Variants in ARID5B observed in about 807,000 individuals in gnomAD.
ARID5B encodes AT-rich interactive domain-containing protein 5B.
ARID5B carries 13 observed loss-of-function variants against 97.2 expected under a neutral mutation model. That is an observed-to-expected ratio of 0.13 (90% CI 0.09 to 0.21). ARID5B has a LOEUF of 0.21. ARID5B is among the 10% of genes least tolerant of loss of function. The pLI, the probability that ARID5B is intolerant of heterozygous loss-of-function variation, is 1.00. For synonymous variants in ARID5B, 556 were observed against 570.3 expected (o/e 0.97, Z 0.36); for missense variants, 1,210 against 1,465.3 (o/e 0.83, Z 2.84).
intron 3 of ARID5B, among the ~76,000 whole-genome samples, chr10:61,989,854 A>G (rs1838898313): frequency 2.0e-5 from 3 of 152,220 alleles, no homozygotes; most frequent in Admixed American, 2.0e-4. Context: ...CTATGGCTTG[A>G]GGTTCCTTGA....
rs1564650871 is a variant in ARID5B, at chr10:62,092,274, C to T, written c.2811C>T (p.Ile937=). The T allele has an allele frequency of 3.7e-6, 6 of 1,606,460 alleles. No homozygotes were observed. The highest frequency in any genetic ancestry group is 4.2e-6 in the Non-Finnish European group (5 of 1,176,634). ...STTGPQESKG[I]SQFQVLGSQS... is the part of the protein sequence containing the mutation. The stretch of plus-strand genomic sequence containing the variant: ...CAGGGCCCCAGGAGAGCAAAGGCAT[C>T]TCCCAGTTCCAGGTCTTAGGCAGCC... The change falls in exon 10 of 10, where the codon ATC becomes ATT. Residue 937 remains isoleucine (I), a synonymous_variant. Transcript: ENST00000279873.
rs1166179611 is a variant in ARID5B at position 61,902,270 on chromosome 10, A to C, written c.133A>C (p.Arg45=). ...GTCCCTTGGCGACTTTTTCTTTGTA[A>C]GATGTACGCCAAAGGATCCGATTTG... The part of the protein sequence containing the change: ...ILSLGDFFFV[R]CTPKDPICIA... Residue 45 remains arginine, a synonymous_variant, in exon 2 of 10, where the codon AGA becomes CGA. Coordinates refer to ENST00000279873, the MANE Select transcript of ARID5B (RefSeq NM_032199.3). The C allele has an allele frequency of 5.0e-6, 8 of 1,614,046 alleles. No individual in the cohort carries two copies. Among genetic ancestry groups the C allele is most frequent in the Non-Finnish European group, 6.8e-6 (8 of 1,180,010 alleles).
intron 3 of ARID5B, among the ~76,000 whole-genome samples, chr10:61,957,325 G>A (rs1257653285): frequency 1.3e-5 from 2 of 152,168 alleles, no homozygotes; most frequent in Admixed American, 6.5e-5. Context: ...CTGGAGTGCA[G>A]TGGTGCGATC....
At chr10:62,050,106 A>C (rs1305465427) in intron 4 of ARID5B, among the ~76,000 whole-genome samples, 1 of 151,362 alleles carries the variant, frequency 6.6e-6, no homozygotes, top group Non-Finnish European at 1.5e-5. Flanking sequence ...CAAGCTCAGC[A>C]TCAAGGATGA....
chr10:62,018,580 CT>C (rs758545079), intron 4 of ARID5B, among the ~76,000 whole-genome samples: 215 of 133,340 alleles, frequency 1.6e-3, no homozygotes, highest in South Asian at 3.0e-3. Flanking sequence ...CGTTCCTGAC[CT>C]TTTTTTTTTT....
chr10:62,041,149 C>T (rs1022387348), intron 4 of ARID5B, among the ~76,000 whole-genome samples: 1 of 152,186 alleles, frequency 6.6e-6, no homozygotes, highest in Non-Finnish European at 1.5e-5. Context: ...AAGCTCTTCT[C>T]ATTCTGTACC....
intron 8 of ARID5B, among the ~76,000 whole-genome samples, chr10:62,071,823 G>A (rs999888550): frequency 1.3e-5 from 2 of 152,196 alleles, no homozygotes; most frequent in Non-Finnish European, 2.9e-5. Context: ...CTTGGGACCA[G>A]ATTGGATATT....
At chr10:61,984,174 A>G (rs1838816112) in intron 3 of ARID5B, among the ~76,000 whole-genome samples, 1 of 152,138 alleles carries the variant, frequency 6.6e-6, no homozygotes, top group Non-Finnish European at 1.5e-5. Context: ...CGTTTTAATT[A>G]TTCATCCCCT....
chr10:61,922,299 C>A lies in ARID5B; in HGVS notation c.277-17884C>A, dbSNP rs556271136. On this transcript the variant is annotated intron_variant, in intron 2 of 9. Coordinates refer to ENST00000279873, the MANE Select transcript of ARID5B (RefSeq NM_032199.3). The stretch of plus-strand genomic sequence containing the variant: ...GCTGATATAAACAGGCTCCTTAATG[C>A]ATAAGAAAATAGGCATGTTTGGGCC... Among the ~76,000 whole-genome samples, 259 of 151,838 alleles carry A rather than the reference C, an allele frequency of 1.7e-3. 1 individual carries two copies. Among genetic ancestry groups the A allele is most frequent in the African/African-American group, 5.9e-3 (244 of 41,444 alleles).
At chr10:61,929,148 A>G (rs1026468707) in intron 2 of ARID5B, among the ~76,000 whole-genome samples, 1 of 152,256 alleles carries the variant, frequency 6.6e-6, no homozygotes, top group African/African-American at 2.4e-5. Flanking sequence ...TCTTAATTAA[A>G]GTTTGCCACC....
intron 4 of ARID5B, among the ~76,000 whole-genome samples, chr10:62,028,485 CAAG>C (rs1455760314): frequency 1.3e-5 from 2 of 152,284 alleles, no homozygotes; most frequent in African/African-American, 4.8e-5. Flanking sequence ...GACGCAGCAA[CAAG>C]AAGATGAACT....
chr10:62,049,439 A>G (rs182770395), intron 4 of ARID5B: 12 of 1,550,516 alleles, frequency 7.7e-6, no homozygotes, highest in Middle Eastern at 1.7e-4. Flanking sequence ...TGTAGCTTTC[A>G]TGAGCACAGG....
At chr10:61,901,801 A>T in intron 1 of ARID5B, 71 bp downstream of exon 1, 1 of 982,084 alleles carries the variant, frequency 1.0e-6, no homozygotes, top group Non-Finnish European at 1.4e-6. Flanking sequence ...GCTCACCCAC[A>T]CCTCTGCACC....
Position 61,989,120 on chromosome 10 carries a change from G to A in ARID5B, c.503-10971G>A, listed in dbSNP as rs569795313. Among the ~76,000 whole-genome samples the A allele has an allele frequency of 2.6e-4, 40 of 151,724 alleles. 2 individuals carry two copies. In the South Asian group the frequency reaches 5.4e-3, roughly 21 times the overall value. Reference sequence around the variant, plus strand: ...AATTTTTTGTATTTTTAGTAGAGACGGGGTTTCGCTGTATTAGCCAGGATG... The same window carrying A: ...AATTTTTTGTATTTTTAGTAGAGACAGGGTTTCGCTGTATTAGCCAGGATG... On this transcript the variant is annotated intron_variant, in intron 3 of 9. Coordinates refer to ENST00000279873, the MANE Select transcript of ARID5B (RefSeq NM_032199.3).
intron 8 of ARID5B, among the ~76,000 whole-genome samples, chr10:62,083,418 G>T (rs987621976): frequency 2.6e-5 from 4 of 151,988 alleles, no homozygotes; most frequent in Admixed American, 1.3e-4. Flanking sequence ...TAGAGAGCCA[G>T]GTTGGCCCAG....
chr10:62,055,843 T>C (rs1839849019), intron 5 of ARID5B, among the ~76,000 whole-genome samples: 1 of 151,902 alleles, frequency 6.6e-6, no homozygotes, highest in Admixed American at 6.6e-5. Context: ...TAAATAAGCA[T>C]AGTCTTTTAT....
chr10:61,901,752 C>T, intron 1 of ARID5B, 22 bp downstream of exon 1: 1 of 1,613,056 alleles, frequency 6.2e-7, no homozygotes, highest in Non-Finnish European at 8.5e-7. Context: ...TCCTCCGCTC[C>T]TCCGATCCCG....
intron 4 of ARID5B, among the ~76,000 whole-genome samples, chr10:62,021,608 G>T (rs1210442739): frequency 1.3e-5 from 2 of 152,210 alleles, no homozygotes; most frequent in East Asian, 3.8e-4. Flanking sequence ...CTTTTGCCCT[G>T]GACAGAATGT....
At chr10:61,912,630 G>A (rs1843824813) in intron 2 of ARID5B, among the ~76,000 whole-genome samples, 1 of 148,580 alleles carries the variant, frequency 6.7e-6, no homozygotes. Flanking sequence ...ATATATATAG[G>A]CATATATATA....
Sources: gnomAD v4.1 joint callset for allele counts (sites outside exome capture counted in the v4.1 genomes callset) on GRCh38, gnomAD v4.1.1 for gene constraint, MANE v1.5 for transcripts, NCBI Gene and HGNC (gene_info 2026-07-23, HGNC 2026-07-21) for gene names.